The following PIP5K1C variants were observed in gnomAD, a reference collection of about 807,000 sequenced individuals.
The protein encoded by PIP5K1C is phosphatidylinositol-4-phosphate 5-kinase type 1 gamma.
In PIP5K1C, 45 loss-of-function variants were observed where a neutral mutation model predicts 80.1. The observed-to-expected ratio is 0.56, with a 90% CI of 0.44 to 0.72. The LOEUF (loss-of-function observed/expected upper bound fraction) is 0.72. Among genes scored for constraint, PIP5K1C ranks in the 30% least tolerant of loss-of-function variants. The probability of loss-of-function intolerance (pLI) is 0.00; values close to 1 mark genes in which losing one functional copy is unlikely to be tolerated. For synonymous variants in PIP5K1C, 498 were observed against 420.1 expected, an observed-to-expected ratio of 1.19 and a Z score of -2.27; for missense variants, 753 against 954.6, an observed-to-expected ratio of 0.79 and a Z score of 2.78.
At chr19:3,638,022 G>A (rs1337321334) in intron 16 of PIP5K1C, 2 of 1,495,602 alleles carry the variant, frequency 1.3e-6, no homozygotes, top group Non-Finnish European at 1.8e-6. Flanking sequence ...GACAGAGCAG[G>A]GGAGTTAGTT....
rs752527884 is a variant in PIP5K1C, at chr19:3,644,262, G to A, written c.1346-11C>T. 1.9e-6 allele frequency: 3 copies of A among 1,610,626 alleles called. No individual in the cohort carries two copies. The highest frequency in any genetic ancestry group is 1.1e-5 in the South Asian group (1 of 91,034). ...GCGAGGACTTCAGGGCTGCAGGGAAGGGTGGGGGTTGGTGCTTGGGGTTGC... is the reference window on the plus strand; with the variant it reads ...GCGAGGACTTCAGGGCTGCAGGGAAAGGTGGGGGTTGGTGCTTGGGGTTGC... On this transcript the variant is annotated splice_polypyrimidine_tract_variant and intron_variant, in intron 11 of 17. Coordinates refer to ENST00000335312, the MANE Select transcript of PIP5K1C (RefSeq NM_012398.3).
At chr19:3,689,301 C>G (rs1264858743) in intron 1 of PIP5K1C, among the ~76,000 whole-genome samples, 1 of 152,200 alleles carries the variant, frequency 6.6e-6, no homozygotes, top group Non-Finnish European at 1.5e-5. Flanking sequence ...TTGGGTTTCC[C>G]CTGGAGCCAG....
In PIP5K1C at chr19:3,632,062, G is replaced by C. The variant is rs1413998949; in HGVS notation, c.*1105C>G. On this transcript the variant is annotated 3_prime_UTR_variant, in exon 18 of 18. Coordinates refer to ENST00000335312, the MANE Select transcript of PIP5K1C (RefSeq NM_012398.3). ...GCTGCCCCAGGGCAGTCTGGGCTGA[G>C]TCCCACCACTGGGAGCGCTGCCCTC... 1.3e-5 allele frequency: 2 copies of C among 152,304 alleles called. No homozygotes were observed. The highest frequency in any genetic ancestry group is 1.9e-4 in the East Asian group (1 of 5,192). 9.4% of individuals were successfully genotyped at this position (152,304 alleles called of 1,614,324 possible). A position where few individuals can be genotyped will look rare whatever the true frequency, so the allele number is the denominator to read the frequency against.
chr19:3,637,271 G>A lies in PIP5K1C; in HGVS notation c.1920+1613C>T, dbSNP rs1302378608. ...GGCCGGGGTCCGAAGCAGACCCTGGGCCTCAGCTGTGCACCTGGTGATGGT... is the reference window on the plus strand; with the variant it reads ...GGCCGGGGTCCGAAGCAGACCCTGGACCTCAGCTGTGCACCTGGTGATGGT... On this transcript the variant is annotated intron_variant, in intron 16 of 17. Transcript: ENST00000335312. This position sits in a 1 kb window ranked among gnomAD's most constrained non-coding sequence, Gnocchi z 7.0. 6.8e-7 allele frequency: 1 copy of A among 1,475,148 alleles called. No homozygotes were observed. The highest frequency in any genetic ancestry group is 1.4e-5 in the African/African-American group (1 of 71,584). 91.4% of individuals were successfully genotyped at this position (1,475,148 alleles called of 1,614,324 possible).
rs2035844432 is a variant in PIP5K1C, at chr19:3,688,572, G to A, written c.94+11725C>T. 2.0e-5 allele frequency among the ~76,000 whole-genome samples: 3 copies of A among 152,074 alleles called. No individual in the cohort carries two copies. The South Asian group carries it at 6.2e-4, about 31-fold the overall frequency. The stretch of plus-strand genomic sequence containing the variant: ...CTTTCCCTGGTCCACTGAGAGCCGC[G>A]TGTGTTTTTTGCGGTTTTGCTGGTG... On this transcript the variant is annotated intron_variant, in intron 1 of 17. Coordinates refer to ENST00000335312, the MANE Select transcript of PIP5K1C (RefSeq NM_012398.3). This position sits in a 1 kb window ranked among gnomAD's most constrained non-coding sequence, Gnocchi z 5.3.
intron 2 of PIP5K1C, 62 bp from the exon 3 acceptor site, chr19:3,664,976 G>A (rs530865197): frequency 3.1e-5 from 41 of 1,318,196 alleles, no homozygotes; most frequent in African/African-American, 1.9e-4. Flanking sequence ...GACAGGGCAC[G>A]CTCTGAAACC....
chr19:3,652,960 G>A (rs1297559693), intron 7 of PIP5K1C, among the ~76,000 whole-genome samples: 7 of 152,204 alleles, frequency 4.6e-5, no homozygotes, highest in Admixed American at 2.0e-4. Flanking sequence ...GGCTGGGTCT[G>A]GGGACATGTT....
Position 3,637,313 on chromosome 19 carries a change from C to G in PIP5K1C, c.1920+1571G>C. 1 of 1,521,600 alleles carries G rather than the reference C, an allele frequency of 6.6e-7. No individual in the cohort carries two copies. Among genetic ancestry groups the G allele is most frequent in the South Asian group, 1.2e-5 (1 of 81,534 alleles). The allele number at this position is 1,521,600 out of a possible 1,614,324, so 94.3% of individuals were successfully genotyped here. The stretch of plus-strand genomic sequence containing the variant: ...GGTGATGGTGCTGCCCTATGGAGCG[C>G]CCGGTTCGACGTGGGACCGAATGAC... On this transcript the variant is annotated intron_variant, in intron 16 of 17. Transcript: ENST00000335312. The surrounding 1 kb of genome is among the most constrained non-coding windows in gnomAD (Gnocchi z 7.0).
Position 3,647,359 on chromosome 19 carries a change from C to A in PIP5K1C, c.1239G>T (p.Trp413Cys). 1 of 1,580,674 alleles carries A rather than the reference C, an allele frequency of 6.3e-7. No individual in the cohort carries two copies. The highest frequency in any genetic ancestry group is 2.3e-5 in the East Asian group (1 of 42,832). ...TCACCCCATCGTGGACGAGGGCCTTCCAGGTGTGCTCCAGTTTCTTGATGA... is the reference window on the plus strand; with the variant it reads ...TCACCCCATCGTGGACGAGGGCCTTACAGGTGTGCTCCAGTTTCTTGATGA... ...YRFIKKLEHT[W>C]KALVHDGDTV... The change falls in exon 10 of 18, where the codon TGG becomes TGT. Residue 413 changes from tryptophan (W) to cysteine (C), a missense_variant. By Grantham distance (215) the Trp-to-Cys change is radical. Around this residue, in one of 6 missense-constraint regions of PIP5K1C, gnomAD observed 114 missense variants for 152.4 expected, o/e 0.75. Transcript: ENST00000335312.
At position 3,643,377 on chromosome 19, in the gene PIP5K1C, C is replaced by T. The variant is rs143219762; in HGVS notation, c.1515G>A (p.Arg505=). Residue 505 remains arginine, a synonymous_variant, in exon 13 of 18, where the codon CGG becomes CGA. Transcript: ENST00000335312. ...GTGGCGTGCAGGGCAGGAGGTCGGG[C>T]CGGCCTGAGGGGAGAGGACTGTGGG... is the stretch of plus-strand genomic sequence containing the variant. ...RSYPTLEDEG[R]PDLLPCTPPS... The T allele has an allele frequency of 1.1e-4, 181 of 1,613,286 alleles. No homozygotes were observed. Among genetic ancestry groups the T allele is most frequent in the Middle Eastern group, 1.7e-4 (1 of 6,058 alleles).
chr19:3,657,685 C>T (rs991106277), intron 5 of PIP5K1C, among the ~76,000 whole-genome samples: 4 of 151,920 alleles, frequency 2.6e-5, no homozygotes, highest in Non-Finnish European at 5.9e-5. Context: ...ATCCCAACAC[C>T]TTGGGAGGCT....
intron 1 of PIP5K1C, among the ~76,000 whole-genome samples, chr19:3,671,750 G>T (rs536940992): frequency 6.6e-6 from 1 of 152,144 alleles, no homozygotes; most frequent in Non-Finnish European, 1.5e-5. Context: ...CTGCCCAGGG[G>T]GTGGGGGCAG....
chr19:3,653,448 T>C lies in PIP5K1C; in HGVS notation c.763A>G (p.Lys255Glu). ...VVKMHLKFDL[K>E]GSTYKRRASK... ...GCGCGCCGCTTGTAGGTGGAGCCCT[T>C]GAGGTCGAACTTGAGGTGCATCTTG... is the stretch of plus-strand genomic sequence containing the variant. The change falls in exon 7 of 18, where the codon AAG becomes GAG. Residue 255 changes from lysine to glutamate, a missense_variant. Lys to Glu is a moderately conservative substitution (Grantham distance 56). This residue lies in a region of PIP5K1C where 105 missense variants were observed against 133.4 expected (regional missense o/e 0.79). Coordinates refer to ENST00000335312, the MANE Select transcript of PIP5K1C (RefSeq NM_012398.3). 6.2e-7 allele frequency: 1 copy of C among 1,613,762 alleles called. No individual in the cohort carries two copies. Among genetic ancestry groups the C allele is most frequent in the Non-Finnish European group, 8.5e-7 (1 of 1,180,018 alleles).
chr19:3,657,654 C>T (rs1417537144), intron 5 of PIP5K1C, among the ~76,000 whole-genome samples: 3 of 152,046 alleles, frequency 2.0e-5, no homozygotes, highest in East Asian at 3.9e-4. Flanking sequence ...CCAGGCACGG[C>T]GGCTCACCCA....
At position 3,670,476 on chromosome 19, in the gene PIP5K1C, G is replaced by A. The variant is rs2035170757; in HGVS notation, c.95-3123C>T. On this transcript the variant is annotated intron_variant, in intron 1 of 17. Coordinates refer to ENST00000335312, the MANE Select transcript of PIP5K1C (RefSeq NM_012398.3). ...GATGCCCGGAGGCACCAGGAGCAGA[G>A]GGGTGTGGAGCTTCTCCGAGGTCGG... Among the ~76,000 whole-genome samples, 3 of 152,226 alleles carry A rather than the reference G, an allele frequency of 2.0e-5. No individual in the cohort carries two copies. The South Asian group carries it at 6.2e-4, about 32-fold the overall frequency.
chr19:3,653,983 CACAT>C (rs2145450128), intron 6 of PIP5K1C, among the ~76,000 whole-genome samples: 1 of 152,344 alleles, frequency 6.6e-6, no homozygotes, highest in East Asian at 1.9e-4. Context: ...CACACACAAA[CACAT>C]ACACACACAC....
chr19:3,697,235 C>T (rs996978927), intron 1 of PIP5K1C, among the ~76,000 whole-genome samples: 1 of 147,546 alleles, frequency 6.8e-6, no homozygotes, highest in Non-Finnish European at 1.5e-5. Context: ...CGGGGAGGAC[C>T]GAGCTGGACC....
chr19:3,681,913 C>T (rs947606387), intron 1 of PIP5K1C, among the ~76,000 whole-genome samples: 2 of 152,052 alleles, frequency 1.3e-5, no homozygotes, highest in African/African-American at 4.8e-5. Flanking sequence ...CTCAGGCCCA[C>T]CAGGATCCAA....
chr19:3,642,659 A>T (rs930369596), intron 14 of PIP5K1C, among the ~76,000 whole-genome samples: 1 of 148,226 alleles, frequency 6.7e-6, no homozygotes, highest in African/African-American at 2.5e-5. Context: ...GTTTTAAGTT[A>T]AAAAAAAAAC....
Sources: allele counts gnomAD v4.1 joint callset (sites outside exome capture counted in the v4.1 genomes callset), GRCh38; gene constraint gnomAD v4.1.1; regional missense constraint gnomAD v4.1.1; non-coding constraint Gnocchi (gnomAD v3.1); transcripts MANE v1.5; gene names NCBI Gene and HGNC (gene_info 2026-07-23, HGNC 2026-07-21).